The following SEMA4D variants were observed in gnomAD, a reference collection of about 807,000 sequenced individuals.
SEMA4D encodes semaphorin-4D.
In SEMA4D, 22 loss-of-function variants were observed where a neutral mutation model predicts 74.8. The observed-to-expected ratio is 0.29, with a 90% CI of 0.21 to 0.42. The LOEUF is 0.42. Ranked by LOEUF, SEMA4D falls within the 10% of genes least tolerant of loss-of-function variation. The pLI is 1.00. For missense variants in SEMA4D, 937 were observed against 1,118.4 expected (o/e 0.84, Z 2.31); for synonymous variants, 445 against 463.7 (o/e 0.96, Z 0.52).
At chr9:89,433,226 A>AC (rs1355037866) in intron 2 of SEMA4D, among the ~76,000 whole-genome samples, 1 of 151,978 alleles carries the variant, frequency 6.6e-6, no homozygotes, top group African/African-American at 2.4e-5. Flanking sequence ...TGTAGCAGTG[A>AC]CCCCCTGAGG....
Position 89,389,015 on chromosome 9 carries a change from C to T in SEMA4D, c.807G>A (p.Lys269=). Residue 269 remains lysine, a synonymous_variant, in exon 10 of 16, where the codon AAG becomes AAA. Coordinates refer to ENST00000422704, the MANE Select transcript of SEMA4D (RefSeq NM_001371194.2). ...GDQGGLRTLQ[K]KWTSFLKARL... is the part of the protein sequence containing the mutation. Reference sequence around the variant, plus strand: ...GGGCTTTCAGGAAGGAGGTCCATTTCTTCTGCAAGGTCCTCAGGCCGCCCT... The same window carrying T: ...GGGCTTTCAGGAAGGAGGTCCATTTTTTCTGCAAGGTCCTCAGGCCGCCCT... 6.2e-7 allele frequency: 1 copy of T among 1,614,148 alleles called. No homozygotes were observed. The highest frequency in any genetic ancestry group is 8.5e-7 in the Non-Finnish European group (1 of 1,180,036).
At chr9:89,488,586 T>G (rs1564012079) in intron 1 of SEMA4D, among the ~76,000 whole-genome samples, 1 of 152,132 alleles carries the variant, frequency 6.6e-6, no homozygotes. Context: ...TTGGCCAGGC[T>G]GGTCTCAAAC....
intron 1 of SEMA4D, among the ~76,000 whole-genome samples, chr9:89,495,773 A>G (rs1825960476): frequency 6.6e-6 from 1 of 152,122 alleles, no homozygotes; most frequent in Non-Finnish European, 1.5e-5. Context: ...CAGGAGGAGA[A>G]TCTGCAACCA....
rs1453966476 is a variant in SEMA4D, at chr9:89,363,693, GA to G, written c.2092+47del. ...TTTTTTCACTGCCATTGTAAATAGTGAAAAATTACCTCATAAAAGGGTAACA... is the reference window on the plus strand; with the variant it reads ...TTTTTTCACTGCCATTGTAAATAGTGAAAATTACCTCATAAAAGGGTAACA... On this transcript the variant is annotated intron_variant, in intron 17 of 18. Transcript: ENST00000339861. 3 of 1,597,576 alleles carry G rather than the reference GA, an allele frequency of 1.9e-6. No individual in the cohort carries two copies. The African/African-American group carries it at 4.0e-5, about 21-fold the overall frequency.
chr9:89,362,683 C>G (rs948951309), intron 18 of SEMA4D, among the ~76,000 whole-genome samples: 3 of 152,218 alleles, frequency 2.0e-5, no homozygotes, highest in Non-Finnish European at 4.4e-5. Context: ...AGAGAGGGAG[C>G]CTGTGTGTGC....
intron 2 of SEMA4D, among the ~76,000 whole-genome samples, chr9:89,412,658 CTCA>C (rs1429228607): frequency 6.6e-6 from 1 of 152,130 alleles, no homozygotes; most frequent in African/African-American, 2.4e-5. Flanking sequence ...GTGTATTGAT[CTCA>C]TCAGCAGACA....
chr9:89,410,471 T>C (rs1167886028), intron 2 of SEMA4D, among the ~76,000 whole-genome samples: 1 of 151,754 alleles, frequency 6.6e-6, no homozygotes, highest in Admixed American at 6.6e-5. Context: ...AAACACAACC[T>C]GGAAAATGGA....
chr9:89,415,439 T>A (rs951522266), intron 2 of SEMA4D, among the ~76,000 whole-genome samples: 6 of 152,114 alleles, frequency 3.9e-5, no homozygotes, highest in African/African-American at 1.4e-4. Flanking sequence ...GATACTATGG[T>A]CTGAATGTCT....
intron 1 of SEMA4D, among the ~76,000 whole-genome samples, chr9:89,461,286 G>C (rs148088773): frequency 6.6e-6 from 1 of 152,140 alleles, no homozygotes; most frequent in Non-Finnish European, 1.5e-5. Context: ...AACCTTACAA[G>C]GGTACCTCTT....
intron 1 of SEMA4D, among the ~76,000 whole-genome samples, chr9:89,471,549 A>G (rs1161695427): frequency 1.3e-5 from 2 of 150,012 alleles, no homozygotes; most frequent in African/African-American, 5.1e-5. Context: ...GATGTTCACA[A>G]TCTTTATCAT....
intron 6 of SEMA4D, among the ~76,000 whole-genome samples, chr9:89,396,452 T>G (rs118164237): frequency 0.037 from 5,604 of 152,274 alleles, 158 homozygotes; most frequent in South Asian, 0.11. Context: ...CATGGCATGC[T>G]CTGCACTAGC....
At chr9:89,442,905 G>A (rs374670595) in intron 2 of SEMA4D, among the ~76,000 whole-genome samples, 5 of 152,198 alleles carry the variant, frequency 3.3e-5, no homozygotes, top group Admixed American at 6.5e-5. Context: ...CCTGGGCCCC[G>A]GGCCTGGGCT....
chr9:89,484,361 T>C lies in SEMA4D; in HGVS notation c.-310+13558A>G, dbSNP rs1214781939. ...CGGGGTATGTGTGTGCTGTGTGTGC[T>C]GCGGCACGTGCAGCATATGACTGTG... On this transcript the variant is annotated intron_variant, in intron 1 of 15. Coordinates refer to ENST00000422704, the MANE Select transcript of SEMA4D (RefSeq NM_001371194.2). The surrounding 1 kb of genome is among the most constrained non-coding windows in gnomAD (Gnocchi z 4.1). 6.6e-6 allele frequency among the ~76,000 whole-genome samples: 1 copy of C among 152,218 alleles called. No homozygotes were observed. Among genetic ancestry groups the C allele is most frequent in the Admixed American group, 6.5e-5 (1 of 15,284 alleles).
At position 89,460,914 on chromosome 9, in the gene SEMA4D, G is replaced by A. The variant is rs904222485; in HGVS notation, c.-309-4961C>T. ...ATATGTGGCCACCACATATGCCGAAGGGGAGGACGGAGAAGGCGACCTGCT... is the reference window on the plus strand; with the variant it reads ...ATATGTGGCCACCACATATGCCGAAAGGGAGGACGGAGAAGGCGACCTGCT... On this transcript the variant is annotated intron_variant, in intron 1 of 15. Coordinates refer to ENST00000422704, the MANE Select transcript of SEMA4D (RefSeq NM_001371194.2). Among the ~76,000 whole-genome samples, 14 of 152,192 alleles carry A rather than the reference G, an allele frequency of 9.2e-5. No homozygotes were observed. In the South Asian group the frequency reaches 1.2e-3, roughly 13 times the overall value.
At chr9:89,413,542 C>T (rs1249346841) in intron 2 of SEMA4D, among the ~76,000 whole-genome samples, 1 of 152,200 alleles carries the variant, frequency 6.6e-6, no homozygotes, top group East Asian at 1.9e-4. Flanking sequence ...GTGCACCTAT[C>T]CATGTTTGTA....
At chr9:89,385,525 A>C (rs1838253207) in intron 13 of SEMA4D, 19 of 985,270 alleles carry the variant, frequency 1.9e-5, no homozygotes, top group Non-Finnish European at 2.2e-5. Context: ...GCCAGTACCC[A>C]GTGGCTTATA....
At chr9:89,361,334 A>AAAAC in exon 19 of SEMA4D, 1 of 152,396 alleles carries the variant, frequency 6.6e-6, no homozygotes, top group South Asian at 2.1e-4. Flanking sequence ...GAGGGGATGC[A>AAAAC]AAACAGGTCA....
intron 5 of SEMA4D, among the ~76,000 whole-genome samples, 191 bp downstream of exon 5, chr9:89,399,085 G>A (rs1841632364): frequency 6.6e-6 from 1 of 152,192 alleles, no homozygotes; most frequent in South Asian, 2.1e-4. Context: ...CCTGCTTTGA[G>A]AAACCCAATC....
intron 16 of SEMA4D, among the ~76,000 whole-genome samples, chr9:89,370,170 GTGTA>G (rs1834331040): frequency 6.6e-6 from 1 of 151,512 alleles, no homozygotes; most frequent in African/African-American, 2.4e-5. Flanking sequence ...CATGGTCTGT[GTGTA>G]TGGTGTTTGA....
Sources: gnomAD v4.1 joint callset for allele counts (sites outside exome capture counted in the v4.1 genomes callset) on GRCh38, gnomAD v4.1.1 for gene constraint, Gnocchi (gnomAD v3.1) non-coding constraint, MANE v1.5 for transcripts, NCBI Gene and HGNC (gene_info 2026-07-23, HGNC 2026-07-21) for gene names.